Variants in FAM24B observed in about 807,000 individuals in gnomAD.
The protein encoded by FAM24B is family with sequence similarity 24 member B, also known as protein FAM24B.
In FAM24B, 3 loss-of-function variants were observed where a neutral mutation model predicts 2.3. The observed-to-expected ratio is 1.29, with a 90% CI of 0.59 to 3.32. The LOEUF (loss-of-function observed/expected upper bound fraction) is 3.32, where lower values mean the gene tolerates loss of function less well. Ranked by LOEUF, FAM24B falls within the 30% of genes most tolerant of loss-of-function variation. FAM24B has a pLI of 0.03. For synonymous variants in FAM24B, 36 were observed against 46.3 expected, an observed-to-expected ratio of 0.78 and a Z score of 0.90; for missense variants, 98 against 117.2, an observed-to-expected ratio of 0.84 and a Z score of 0.76.
intron 1 of FAM24B, among the ~76,000 whole-genome samples, chr10:122,875,327 T>C (rs906908191): frequency 5.9e-5 from 9 of 152,230 alleles, no homozygotes; most frequent in East Asian, 1.9e-4. Context: ...CACTCTTGTA[T>C]GCTATCTGCT....
At chr10:122,850,835 C>T (rs527904735) in intron 2 of FAM24B, 2 of 295,894 alleles carry the variant, frequency 6.8e-6, no homozygotes, top group Admixed American at 4.5e-5. Flanking sequence ...TTCCCTTTCA[C>T]AGGTGTGATA....
chr10:122,871,134 C>G (rs1335312591), intron 1 of FAM24B, among the ~76,000 whole-genome samples: 4 of 151,992 alleles, frequency 2.6e-5, no homozygotes, highest in Non-Finnish European at 5.9e-5. Context: ...CATTCTTATA[C>G]ACCAACAACA....
At chr10:122,849,905 C>T (rs1012844052) in intron 3 of FAM24B, among the ~76,000 whole-genome samples, 6 of 152,150 alleles carry the variant, frequency 3.9e-5, no homozygotes, top group African/African-American at 1.4e-4. Flanking sequence ...TCACACGGTT[C>T]AGCTGTCCCT....
At chr10:122,871,169 G>A (rs887760757) in intron 1 of FAM24B, among the ~76,000 whole-genome samples, 2 of 151,896 alleles carry the variant, frequency 1.3e-5, no homozygotes, top group Non-Finnish European at 1.5e-5. Context: ...CAAATCATGA[G>A]TGAACTCCCA....
intron 1 of FAM24B, among the ~76,000 whole-genome samples, chr10:122,867,624 G>A (rs1406910121): frequency 6.6e-6 from 1 of 152,216 alleles, no homozygotes; most frequent in African/African-American, 2.4e-5. Context: ...AGCAGCATTT[G>A]CGGTTCACCA....
chr10:122,858,698 C>T (rs563665929), intron 1 of FAM24B, among the ~76,000 whole-genome samples: 2 of 152,164 alleles, frequency 1.3e-5, no homozygotes, highest in East Asian at 3.9e-4. Context: ...GGGGAAAGAC[C>T]ACAGAGAGTG....
Position 122,849,089 on chromosome 10 carries a change from G to C in FAM24B, c.*158C>G, listed in dbSNP as rs979525994. Reference sequence around the variant, plus strand: ...ACAATCAAAAAATATTGGCAGCAAAGAGGATTATTTTTAATAGTGTACATT... The same window carrying C: ...ACAATCAAAAAATATTGGCAGCAAACAGGATTATTTTTAATAGTGTACATT... On this transcript the variant is annotated 3_prime_UTR_variant, in exon 4 of 4. Transcript: ENST00000368898. 9 of 463,204 alleles carry C rather than the reference G, an allele frequency of 1.9e-5. No individual in the cohort carries two copies. In the Admixed American group the frequency reaches 3.1e-4, roughly 16 times the overall value. 28.7% of individuals were successfully genotyped at this position (463,204 alleles called of 1,614,324 possible). A position where few individuals can be genotyped will look rare whatever the true frequency, so the allele number is the denominator to read the frequency against.
chr10:122,855,336 C>T (rs1847620312), intron 2 of FAM24B: 1 of 152,222 alleles, frequency 6.6e-6, no homozygotes, highest in African/African-American at 2.4e-5. Context: ...CCTCACCAAA[C>T]TTTATGACTG....
chr10:122,849,529 G>C, intron 3 of FAM24B, 90 bp from the exon 4 acceptor site: 1 of 1,206,402 alleles, frequency 8.3e-7, no homozygotes, highest in Admixed American at 2.5e-5. Context: ...GGGGAGTTTA[G>C]TGCTGAAGCC....
rs768987020 is a variant in FAM24B at position 122,859,685 on chromosome 10, TC to T, written c.-177-3900del. Among the ~76,000 whole-genome samples the T allele has an allele frequency of 9.4e-4, 143 of 152,218 alleles. 1 individual carries two copies. The highest frequency in any genetic ancestry group is 1.5e-3 in the Non-Finnish European group (104 of 68,002). On this transcript the variant is annotated intron_variant, in intron 1 of 3. Coordinates refer to ENST00000368898, the MANE Select transcript of FAM24B (RefSeq NM_152644.3). ...ACACAGAGGCTTGTGTACAGGAGGC[TC>T]CCTGGGGAGTGTATTCAAAATCCAC...
intron 1 of FAM24B, among the ~76,000 whole-genome samples, chr10:122,869,440 G>C (rs1297050709): frequency 6.6e-6 from 1 of 152,172 alleles, no homozygotes; most frequent in Non-Finnish European, 1.5e-5. Context: ...GGACCTAACA[G>C]ACATCTACAG....
chr10:122,865,315 T>A (rs1258627212), intron 1 of FAM24B, among the ~76,000 whole-genome samples: 1 of 152,244 alleles, frequency 6.6e-6, no homozygotes, highest in Non-Finnish European at 1.5e-5. Context: ...GAATTTTTTT[T>A]ATGATGAAGG....
At chr10:122,876,332 C>A (rs1024934739) in intron 1 of FAM24B, among the ~76,000 whole-genome samples, 2 of 152,182 alleles carry the variant, frequency 1.3e-5, no homozygotes, top group Non-Finnish European at 2.9e-5. Context: ...TGCCCTTTCC[C>A]TAGAACAGAT....
chr10:122,872,729 T>C (rs911735048), intron 1 of FAM24B, among the ~76,000 whole-genome samples: 1 of 151,686 alleles, frequency 6.6e-6, no homozygotes, highest in South Asian at 2.1e-4. Flanking sequence ...AGGTGGGAAT[T>C]GAACAATGAG....
rs1004911600 is a variant in FAM24B at position 122,850,447 on chromosome 10, G to T, written c.69C>A (p.Tyr23Ter). 6.2e-7 allele frequency: 1 copy of T among 1,613,860 alleles called. No individual in the cohort carries two copies. The highest frequency in any genetic ancestry group is 8.5e-7 in the Non-Finnish European group (1 of 1,179,906). Reference protein sequence around the residue: ...LLLIVVVLCLYFKIHNALKAA... With the variant: ...LLLIVVVLCL ...ACTTTAGCGCGTTGTGTATTTTGAAGTAAAGACAGAGCACGACAACTATCA... is the reference window on the plus strand; with the variant it reads ...ACTTTAGCGCGTTGTGTATTTTGAATTAAAGACAGAGCACGACAACTATCA... Residue 23 changes from tyrosine to a stop codon, truncating the protein, a stop_gained, in exon 3 of 4, where the codon TAC (tyrosine) becomes TAA (stop). Coordinates refer to ENST00000368898, the MANE Select transcript of FAM24B (RefSeq NM_152644.3). LOFTEE classifies it low-confidence loss of function (END_TRUNC).
intron 1 of FAM24B, among the ~76,000 whole-genome samples, chr10:122,863,038 A>G (rs1469895824): frequency 6.6e-6 from 1 of 152,148 alleles, no homozygotes; most frequent in Non-Finnish European, 1.5e-5. Context: ...AATGAGAACC[A>G]TTCCTGAACA....
chr10:122,858,163 T>A (rs969563695), intron 1 of FAM24B, among the ~76,000 whole-genome samples: 8 of 152,134 alleles, frequency 5.3e-5, no homozygotes, highest in African/African-American at 1.2e-4. Context: ...CAAATGTCCA[T>A]CAATGATAGA....
intron 2 of FAM24B, among the ~76,000 whole-genome samples, chr10:122,854,783 T>C (rs1847608532): frequency 6.6e-6 from 1 of 152,248 alleles, no homozygotes; most frequent in South Asian, 2.1e-4. Flanking sequence ...GCCTTTTCTC[T>C]ATGGAAATTC....
chr10:122,872,958 A>T (rs939309525), intron 1 of FAM24B, among the ~76,000 whole-genome samples: 1 of 152,158 alleles, frequency 6.6e-6, no homozygotes, highest in Admixed American at 6.5e-5. Context: ...AAAATAAAAT[A>T]AAAAAAGAAC....
Sources: allele counts gnomAD v4.1 joint callset (sites outside exome capture counted in the v4.1 genomes callset), GRCh38; gene constraint gnomAD v4.1.1; transcripts MANE v1.5; gene names NCBI Gene and HGNC (gene_info 2026-07-23, HGNC 2026-07-21).